DRD4: variants seen among roughly 807,000 people sequenced by gnomAD.
DRD4 encodes the protein D(4) dopamine receptor.
DRD4 carries 26 observed loss-of-function variants against 22.1 expected under a neutral mutation model. The ratio of observed to expected loss-of-function variants is 1.17; its 90% CI spans 0.86 to 1.63. DRD4 has a LOEUF of 1.63. DRD4 is among the 40% of genes most tolerant of loss of function. The pLI, the probability that DRD4 is intolerant of heterozygous loss-of-function variation, is 0.00. For missense variants in DRD4, 913 were observed against 632.4 expected (o/e 1.44, Z -4.76); for synonymous variants, 455 against 306.7 (o/e 1.48, Z -5.05).
rs1460667279 is a variant in DRD4 at position 639,997 on chromosome 11, G to A, written c.748G>A (p.Ala250Thr). 1.9e-6 allele frequency: 2 copies of A among 1,071,134 alleles called. No individual in the cohort carries two copies. Among genetic ancestry groups the A allele is most frequent in the Non-Finnish European group, 2.3e-6 (2 of 871,402 alleles). 66.4% of individuals were successfully genotyped at this position (1,071,134 alleles called of 1,614,324 possible). A position where few individuals can be genotyped will look rare whatever the true frequency, so the allele number is the denominator to read the frequency against. Residue 250 changes from alanine to threonine, a missense_variant, in exon 3 of 4, where the codon GCG becomes ACG. Physicochemically the swap from Ala to Thr is moderately conservative, Grantham distance 58. Transcript: ENST00000176183. ...GPGPPSPTPP[A>T]PRLPQDPCGP... ...TGGCCCGCCTTCCCCCACGCCACCC[G>A]CGCCCCGCCTCCCCCAGGACCCCTG...
At position 639,464 on chromosome 11, in the gene DRD4, G is replaced by C. The variant is rs535202297; in HGVS notation, c.317G>C (p.Arg106Pro). Residue 106 changes from arginine (R) to proline (P), a missense_variant, in exon 2 of 4, where the codon CGC becomes CCC. Arg to Pro is a moderately radical substitution (Grantham distance 103). Coordinates refer to ENST00000176183, the MANE Select transcript of DRD4 (RefSeq NM_000797.4). ...VQGGAWLLSP[R>P]LCDALMAMDV... Reference sequence around the variant, plus strand: ...GGTGGCGCGTGGCTGCTGAGCCCCCGCCTGTGCGACGCCCTCATGGCCATG... The same window carrying C: ...GGTGGCGCGTGGCTGCTGAGCCCCCCCCTGTGCGACGCCCTCATGGCCATG... 6.2e-7 allele frequency: 1 copy of C among 1,601,042 alleles called. No individual in the cohort carries two copies. The highest frequency in any genetic ancestry group is 8.5e-7 in the Non-Finnish European group (1 of 1,178,666).
chr11:637,500 C>T lies in DRD4; in HGVS notation c.196C>T (p.Gln66Ter). ...GAGCGTGGCCACCGAGCGCGCCCTG[C>T]AGACGCCCACCAACTCCTTCATCGT... ...CVSVATERAL[Q>*]TPTNSFIVSL... The change falls in exon 1 of 4, where the codon CAG becomes TAG. Residue 66 changes from glutamine (Q) to a stop codon, truncating the protein, a stop_gained. Transcript: ENST00000176183. LOFTEE classifies it high-confidence loss of function. The T allele has an allele frequency of 1.9e-6, 3 of 1,556,582 alleles. No individual in the cohort carries two copies. The highest frequency in any genetic ancestry group is 1.2e-5 in the South Asian group (1 of 85,108).
Position 637,355 on chromosome 11 carries a change from G to C in DRD4, c.51G>C (p.Gly17=). ...ADADGLLAGR[G]PAAGASAGAS... Reference sequence around the variant, plus strand: ...CGGACGGGCTGCTGGCTGGGCGCGGGCCGGCCGCGGGGGCATCTGCGGGGG... The same window carrying C: ...CGGACGGGCTGCTGGCTGGGCGCGGCCCGGCCGCGGGGGCATCTGCGGGGG... Residue 17 remains glycine (G), a synonymous_variant, in exon 1 of 4, where the codon GGG becomes GGC. Coordinates refer to ENST00000176183, the MANE Select transcript of DRD4 (RefSeq NM_000797.4). 7.7e-7 allele frequency: 1 copy of C among 1,295,830 alleles called. No homozygotes were observed. The highest frequency in any genetic ancestry group is 9.7e-7 in the Non-Finnish European group (1 of 1,029,492). The allele number at this position is 1,295,830 out of a possible 1,614,324, so 80.3% of individuals were successfully genotyped here. A position where few individuals can be genotyped will look rare whatever the true frequency, so the allele number is the denominator to read the frequency against.
intron 1 of DRD4, among the ~76,000 whole-genome samples, chr11:637,877 G>C (rs1401842590): frequency 6.6e-6 from 1 of 152,194 alleles, no homozygotes; most frequent in East Asian, 1.9e-4. Flanking sequence ...AGGGACCCCG[G>C]AAACAGGCGA....
chr11:640,551 T>A lies in DRD4; in HGVS notation c.1208T>A (p.Phe403Tyr), dbSNP rs1314495734. Residue 403 changes from phenylalanine to tyrosine, a missense_variant, in exon 4 of 4, where the codon TTC (phenylalanine) becomes TAC (tyrosine). Transcript: ENST00000176183. ...CTCAACCCCGTCATCTACACTGTCT[T>A]CAACGCCGAGTTCCGCAACGTCTTC... ...SALNPVIYTV[F>Y]NAEFRNVFRK... 1.9e-6 allele frequency: 3 copies of A among 1,600,236 alleles called. No individual in the cohort carries two copies. The highest frequency in any genetic ancestry group is 1.3e-5 in the African/African-American group (1 of 75,038).
At chr11:637,713 A>C in intron 1 of DRD4, 124 bp downstream of exon 1, 1 of 1,499,628 alleles carries the variant, frequency 6.7e-7, no homozygotes, top group East Asian at 2.5e-5. Flanking sequence ...GGGCGGCGGC[A>C]GGGGCGCTGC....
chr11:639,528 C>T lies in DRD4; in HGVS notation c.381C>T (p.Cys127=), dbSNP rs774891560. The change falls in exon 2 of 4, where the codon TGC becomes TGT. Residue 127 remains cysteine, a synonymous_variant. Transcript: ENST00000176183. ...MLCTASIFNL[C]AISVDRFVAV... ...GCACCGCCTCCATCTTCAACCTGTG[C>T]GCCATCAGCGTGGACAGGTGCGCCG... 5.6e-6 allele frequency: 9 copies of T among 1,597,320 alleles called. No homozygotes were observed. The highest frequency in any genetic ancestry group is 2.3e-5 in the East Asian group (1 of 44,288).
In DRD4 at chr11:639,968, G is replaced by A. The variant is rs771071064; in HGVS notation, c.719G>A (p.Gly240Asp). The A allele has an allele frequency of 2.1e-6, 3 of 1,410,214 alleles. No individual in the cohort carries two copies. The highest frequency in any genetic ancestry group is 2.9e-5 in the Admixed American group (1 of 34,594). The allele number at this position is 1,410,214 out of a possible 1,614,324, so 87.4% of individuals were successfully genotyped here. Residue 240 changes from glycine (G) to aspartate (D), a missense_variant, in exon 3 of 4, where the codon GGC becomes GAC. Transcript: ENST00000176183. ...LHGRAPRRPS[G>D]PGPPSPTPPA... ...GGCCGCGCGCCCCGCCGACCCAGCG[G>A]CCCTGGCCCGCCTTCCCCCACGCCA...
rs764187592 is a variant in DRD4, at chr11:640,488, T to C, written c.1145T>C (p.Val382Ala). 1 of 1,602,002 alleles carries C rather than the reference T, an allele frequency of 6.2e-7. No homozygotes were observed. The highest frequency in any genetic ancestry group is 8.5e-7 in the Non-Finnish European group (1 of 1,179,800). ...GCCTGCTCCGTGCCCCCGCGGCTGG[T>C]CAGCGCCGTCACCTGGCTGGGCTAC... Reference protein sequence around the residue: ...CPACSVPPRLVSAVTWLGYVN... With the variant: ...CPACSVPPRLASAVTWLGYVN... The change falls in exon 4 of 4, where the codon GTC becomes GCC. Residue 382 changes from valine (V) to alanine (A), a missense_variant. By Grantham distance (64) the Val-to-Ala change is moderately conservative. Coordinates refer to ENST00000176183, the MANE Select transcript of DRD4 (RefSeq NM_000797.4).
intron 1 of DRD4, among the ~76,000 whole-genome samples, chr11:637,809 T>C (rs1858098474): frequency 6.6e-6 from 1 of 152,204 alleles, no homozygotes; most frequent in Non-Finnish European, 1.5e-5. Context: ...CTCGTTCCTC[T>C]TCTCCTTCCC....
chr11:639,579 C>T, intron 2 of DRD4, 34 bp downstream of exon 2: 1 of 1,339,748 alleles, frequency 7.5e-7, no homozygotes. Flanking sequence ...CCCCGGCGCC[C>T]CCGCGCCCCG....
At position 637,820 on chromosome 11, in the gene DRD4, C is replaced by T. The variant is rs531718842; in HGVS notation, c.285+231C>T. Among the ~76,000 whole-genome samples, 67 of 152,338 alleles carry T rather than the reference C, an allele frequency of 4.4e-4. 1 individual carries two copies. The highest frequency in any genetic ancestry group is 1.2e-3 in the South Asian group (6 of 4,830). On this transcript the variant is annotated intron_variant, in intron 1 of 3. Coordinates refer to ENST00000176183, the MANE Select transcript of DRD4 (RefSeq NM_000797.4). ...GACCCTCGTTCCTCTTCTCCTTCCC[C>T]GTCTGTCTTGGCGTCTGTTATCCAG...
At position 637,629 on chromosome 11, in the gene DRD4, C is replaced by T. The variant is rs371831680; in HGVS notation, c.285+40C>T. 10 of 1,537,154 alleles carry T rather than the reference C, an allele frequency of 6.5e-6. No homozygotes were observed. In the African/African-American group the frequency reaches 1.1e-4, roughly 17 times the overall value. Reference sequence around the variant, plus strand: ...GCCGCACGAGCATCCTCACCTGCTCCTCGGTTCCCCGTCCCTGTCCCTACG... The same window carrying T: ...GCCGCACGAGCATCCTCACCTGCTCTTCGGTTCCCCGTCCCTGTCCCTACG... On this transcript the variant is annotated intron_variant, in intron 1 of 3. Coordinates refer to ENST00000176183, the MANE Select transcript of DRD4 (RefSeq NM_000797.4).
In DRD4 at chr11:637,381, C is replaced by CATCTGCGGGGCT. The variant is rs1483761836; in HGVS notation, c.78_89dup (p.Ser27_Leu30dup). On this transcript the variant is annotated inframe_insertion, in exon 1 of 4. Transcript: ENST00000176183. ...CCGGCCGCGGGGGCATCTGCGGGGG[C>CATCTGCGGGGCT]ATCTGCGGGGCTGGCTGGGCAGGGC... 1.1e-5 allele frequency: 14 copies of CATCTGCGGGGCT among 1,330,996 alleles called. No individual in the cohort carries two copies. The South Asian group carries it at 2.2e-4, about 20-fold the overall frequency. The allele number at this position is 1,330,996 out of a possible 1,614,324, so 82.4% of individuals were successfully genotyped here.
rs1858087457 is a variant in DRD4 at position 637,468 on chromosome 11, T to G, written c.164T>G (p.Val55Gly). The G allele has an allele frequency of 1.3e-6, 2 of 1,537,806 alleles. No homozygotes were observed. Among genetic ancestry groups the G allele is most frequent in the South Asian group, 2.4e-5 (2 of 84,086 alleles). The change falls in exon 1 of 4, where the codon GTG becomes GGG. Residue 55 changes from valine (V) to glycine (G), a missense_variant. Coordinates refer to ENST00000176183, the MANE Select transcript of DRD4 (RefSeq NM_000797.4). ...IGAVLAGNSL[V>G]CVSVATERAL... ...GCGGTGCTCGCGGGGAACTCGCTCG[T>G]GTGCGTGAGCGTGGCCACCGAGCGC...
chr11:637,853 C>T (rs12720389), intron 1 of DRD4, among the ~76,000 whole-genome samples: 1 of 152,230 alleles, frequency 6.6e-6, no homozygotes, highest in Non-Finnish European at 1.5e-5. Flanking sequence ...CAGGAGATGC[C>T]CGTCCTTCTA....
Position 640,183 on chromosome 11 carries a change from C to CGGA in DRD4, c.934_935insGGA (p.Pro312delinsArgThr). 1.3e-6 allele frequency: 2 copies of CGGA among 1,529,788 alleles called. No homozygotes were observed. The highest frequency in any genetic ancestry group is 1.7e-6 in the Non-Finnish European group (2 of 1,144,436). 94.8% of individuals were successfully genotyped at this position (1,529,788 alleles called of 1,614,324 possible). On this transcript the variant is annotated protein_altering_variant, in exon 3 of 4. Transcript: ENST00000176183. Reference sequence around the variant, plus strand: ...GGACCCCTGCGGCTCCAACTGTGCTCCCCCCGACGCCGTCAGAGCCGCCGC... The same window carrying CGGA: ...GGACCCCTGCGGCTCCAACTGTGCTCGGACCCCCGACGCCGTCAGAGCCGCCGC...
rs766106162 is a variant in DRD4 at position 640,459 on chromosome 11, T to TCCTGCCTGCTCCGTGC, written c.1119_1134dup (p.Pro379CysfsTer76). The stretch of plus-strand genomic sequence containing the variant: ...TGGTGCACATCACGCAGGCGCTGTG[T>TCCTGCCTGCTCCGTGC]CCTGCCTGCTCCGTGCCCCCGCGGC... On this transcript the variant is annotated frameshift_variant, in exon 4 of 4. Coordinates refer to ENST00000176183, the MANE Select transcript of DRD4 (RefSeq NM_000797.4). LOFTEE classifies it low-confidence loss of function (END_TRUNC). 2 of 1,601,984 alleles carry TCCTGCCTGCTCCGTGC rather than the reference T, an allele frequency of 1.2e-6. No individual in the cohort carries two copies. The highest frequency in any genetic ancestry group is 1.1e-5 in the South Asian group (1 of 91,068).
rs1414676585 is a variant in DRD4 at position 640,256 on chromosome 11, A to G, written c.1007A>G (p.Lys336Arg). ...CAGACCCGCAGGAGGCGGCGTGCCA[A>G]GATCACCGGCCGGGAGCGCAAGGCC... ...PPQTRRRRRA[K>R]ITGRERKAMR... is the part of the protein sequence containing the mutation. The change falls in exon 3 of 4, where the codon AAG (lysine) becomes AGG (arginine). Residue 336 changes from lysine to arginine, a missense_variant. Transcript: ENST00000176183. 5 of 1,533,242 alleles carry G rather than the reference A, an allele frequency of 3.3e-6. No individual in the cohort carries two copies. Among genetic ancestry groups the G allele is most frequent in the Non-Finnish European group, 4.4e-6 (5 of 1,146,612 alleles). The allele number at this position is 1,533,242 out of a possible 1,614,324, so 95.0% of individuals were successfully genotyped here.
Sources: allele counts gnomAD v4.1 joint callset (sites outside exome capture counted in the v4.1 genomes callset), GRCh38; gene constraint gnomAD v4.1.1; transcripts MANE v1.5; gene names NCBI Gene and HGNC (gene_info 2026-07-23, HGNC 2026-07-21).